The following EIF2AK2 variants were observed in gnomAD, a reference collection of about 807,000 sequenced individuals.
The protein encoded by EIF2AK2 is interferon-induced, double-stranded RNA-activated protein kinase.
Under a neutral mutation model 70.5 loss-of-function variants are expected in EIF2AK2, and 40 were observed. The ratio of observed to expected loss-of-function variants is 0.57; its 90% confidence interval spans 0.44 to 0.74. The LOEUF is 0.74. EIF2AK2 is among the 30% of genes least tolerant of loss of function. The pLI, the probability that EIF2AK2 is intolerant of heterozygous loss-of-function variation, is 0.00. For missense variants in EIF2AK2, 555 were observed against 644.3 expected, an observed-to-expected ratio of 0.86 and a Z score of 1.50; for synonymous variants, 198 against 220.9, an observed-to-expected ratio of 0.90 and a Z score of 0.92.
At chr2:37,151,521 C>T (rs142021177) in intron 1 of EIF2AK2, among the ~76,000 whole-genome samples, 88 of 152,268 alleles carry the variant, frequency 5.8e-4, no homozygotes, top group African/African-American at 1.9e-3. Context: ...TAAAACAATA[C>T]GGTTGCTGGG....
intron 1 of EIF2AK2, among the ~76,000 whole-genome samples, chr2:37,155,543 T>C (rs1172744311): frequency 6.6e-6 from 1 of 152,198 alleles, no homozygotes; most frequent in Admixed American, 6.5e-5. Context: ...GGCTTGCCAC[T>C]CCACCTTGCC....
rs774868550 is a variant in EIF2AK2 at position 37,138,297 on chromosome 2, G to C, written c.660C>G (p.Asp220Glu). ...TAAGCAACGAAGAACTGTTTAAACT[G>C]TCACTGTTAGAATTTATCTCTGATG... ...ADTSEINSNS[D>E]SLNSSSLLMN... Residue 220 changes from aspartate (D) to glutamate (E), a missense_variant, in exon 8 of 17, where the codon GAC becomes GAG. By Grantham distance (45) the Asp-to-Glu change is conservative. Around this residue, in one of 3 missense-constraint regions of EIF2AK2, gnomAD observed 208 missense variants for 191.8 expected, o/e 1.08. Transcript: ENST00000233057. 1.8e-5 allele frequency: 29 copies of C among 1,613,652 alleles called. 3 individuals are homozygous for C. In the South Asian group the frequency reaches 3.2e-4, roughly 18 times the overall value.
chr2:37,147,103 G>A (rs1675572843), intron 3 of EIF2AK2, 130 bp from the exon 4 acceptor site: 2 of 806,556 alleles, frequency 2.5e-6, no homozygotes, highest in South Asian at 2.0e-5. Flanking sequence ...TAGCATTTAA[G>A]CAGTCACCTC....
At chr2:37,122,155 ATC>A (rs1477949529) in intron 12 of EIF2AK2, among the ~76,000 whole-genome samples, 3 of 138,478 alleles carry the variant, frequency 2.2e-5, no homozygotes, top group Non-Finnish European at 4.7e-5. Flanking sequence ...CAGATGCAGC[ATC>A]TATATGTTAA....
chr2:37,122,734 T>G, intron 11 of EIF2AK2, 70 bp from the exon 12 acceptor site: 7 of 1,576,864 alleles, frequency 4.4e-6, no homozygotes, highest in Admixed American at 3.5e-5. Flanking sequence ...AAACACCTCA[T>G]GTAATAGACA....
In EIF2AK2 at chr2:37,156,910, GCGCCGC is replaced by G. The variant is rs564207041; in HGVS notation, c.-192_-187del. On this transcript the variant is annotated 5_prime_UTR_variant, in exon 1 of 17. Transcript: ENST00000233057. ...CGGCTGCCCCCTGCCCTGCTCACCT[GCGCCGC>G]CGCCGCCGCCGCCGCCGCCGCCGGC... 47 of 182,784 alleles carry G rather than the reference GCGCCGC, an allele frequency of 2.6e-4. No individual in the cohort carries two copies. Among genetic ancestry groups the G allele is most frequent in the East Asian group, 6.7e-4 (4 of 5,978 alleles). The allele number at this position is 182,784 out of a possible 1,614,324, so 11.3% of individuals were successfully genotyped here.
At chr2:37,111,876 A>ATATATAT (rs1440517064) in intron 14 of EIF2AK2, among the ~76,000 whole-genome samples, 2 of 46,138 alleles carry the variant, frequency 4.3e-5, no homozygotes, top group Non-Finnish European at 9.0e-5. Context: ...AAAAAAAAAA[A>ATATATAT]AAATATATAT....
intron 1 of EIF2AK2, among the ~76,000 whole-genome samples, chr2:37,155,162 G>T (rs1354574840): frequency 1.3e-5 from 2 of 151,962 alleles, no homozygotes; most frequent in Non-Finnish European, 2.9e-5. Flanking sequence ...TGTCCAACCT[G>T]CTCCCTCCTA....
At chr2:37,151,732 T>C (rs1573044073) in intron 1 of EIF2AK2, among the ~76,000 whole-genome samples, 1 of 152,296 alleles carries the variant, frequency 6.6e-6, no homozygotes, top group East Asian at 1.9e-4. Context: ...GAAATATATC[T>C]ACACAGCGGA....
chr2:37,110,483 G>A (rs1156775727), intron 14 of EIF2AK2, among the ~76,000 whole-genome samples: 1 of 152,134 alleles, frequency 6.6e-6, no homozygotes, highest in Non-Finnish European at 1.5e-5. Context: ...CAAATAGTGT[G>A]AGGGCAGCAA....
rs903210064 is a variant in EIF2AK2 at position 37,102,153 on chromosome 2, T to A, written c.*5120A>T. The A allele has an allele frequency of 4.6e-5, 7 of 152,008 alleles. No individual in the cohort carries two copies. In the East Asian group the frequency reaches 1.4e-3, roughly 29 times the overall value. The allele number at this position is 152,008 out of a possible 1,614,324, so 9.4% of individuals were successfully genotyped here. A position where few individuals can be genotyped will look rare whatever the true frequency, so the allele number is the denominator to read the frequency against. On this transcript the variant is annotated 3_prime_UTR_variant, in exon 17 of 17. Coordinates refer to ENST00000233057, the MANE Select transcript of EIF2AK2 (RefSeq NM_001135651.3). ...TATTCAAGCGGCTGAGGCAGGAGGA[T>A]CACTTGAGCCTAGGAGTTCGAGGTT...
intron 6 of EIF2AK2, among the ~76,000 whole-genome samples, chr2:37,138,796 T>C (rs1400035020): frequency 6.6e-6 from 1 of 152,136 alleles, no homozygotes; most frequent in Non-Finnish European, 1.5e-5. Flanking sequence ...GCAGATATTT[T>C]GTTTGTTTCT....
intron 3 of EIF2AK2, 126 bp from the exon 4 acceptor site, chr2:37,147,099 T>G: frequency 1.2e-6 from 1 of 842,448 alleles, no homozygotes; most frequent in South Asian, 2.0e-5. Flanking sequence ...AATATAGCAT[T>G]TAAGCAGTCA....
intron 10 of EIF2AK2, among the ~76,000 whole-genome samples, chr2:37,126,967 G>GAAAAAAAAAAAAA (rs57802509): frequency 9.6e-5 from 5 of 52,168 alleles, no homozygotes; most frequent in Admixed American, 2.7e-4. Flanking sequence ...CAAAAAAACA[G>GAAAAAAAAAAAAA]AAAAAAAAAA....
At chr2:37,140,713 T>C (rs1316772850) in intron 5 of EIF2AK2, among the ~76,000 whole-genome samples, 2 of 152,204 alleles carry the variant, frequency 1.3e-5, no homozygotes, top group Admixed American at 6.5e-5. Context: ...ATTATTGAGA[T>C]TGACTCACAG....
chr2:37,129,813 G>C (rs1284805067), intron 10 of EIF2AK2, among the ~76,000 whole-genome samples: 1 of 152,008 alleles, frequency 6.6e-6, no homozygotes, highest in Non-Finnish European at 1.5e-5. Flanking sequence ...AAACGGGGAC[G>C]AATCATTCAT....
Position 37,109,269 on chromosome 2 carries a change from T to C in EIF2AK2, c.1404A>G (p.Glu468=), listed in dbSNP as rs769706485. 1.2e-6 allele frequency: 2 copies of C among 1,614,156 alleles called. No individual in the cohort carries two copies. The highest frequency in any genetic ancestry group is 2.2e-5 in the East Asian group (1 of 44,880). Residue 468 remains glutamate (E), a synonymous_variant, in exon 15 of 17, where the codon GAA becomes GAG. Transcript: ENST00000233057. The part of the protein sequence containing the change: ...EQISSQDYGK[E]VDLYALGLIL... ...TTAGCCCCAAAGCGTAGAGGTCCAC[T>C]TCCTTTCCATAGTCTTGCGAAGAAA...
intron 1 of EIF2AK2, among the ~76,000 whole-genome samples, chr2:37,152,036 A>T (rs2148717998): frequency 6.6e-6 from 1 of 152,354 alleles, no homozygotes; most frequent in African/African-American, 2.4e-5. Context: ...ACTGCACTCC[A>T]GCCTGCGCGA....
intron 14 of EIF2AK2, among the ~76,000 whole-genome samples, chr2:37,110,781 A>AC (rs948041731): frequency 2.0e-5 from 3 of 152,194 alleles, no homozygotes; most frequent in African/African-American, 7.2e-5. Context: ...AAAGCAATCA[A>AC]CCCAAAAAAA....
Sources: gnomAD v4.1 joint callset for allele counts (sites outside exome capture counted in the v4.1 genomes callset) on GRCh38, gnomAD v4.1.1 for gene constraint, gnomAD v4.1.1 regional missense constraint, MANE v1.5 for transcripts, NCBI Gene and HGNC (gene_info 2026-07-23, HGNC 2026-07-21) for gene names.